The following RER1 variants were observed in gnomAD, a reference collection of about 807,000 sequenced individuals.
The protein encoded by RER1 is retention in endoplasmic reticulum sorting receptor 1, also known as protein RER1.
Under a neutral mutation model 28.3 loss-of-function variants are expected in RER1, and 6 were observed. That is an observed-to-expected ratio of 0.21 (90% CI 0.12 to 0.42). RER1 has a LOEUF of 0.42. Ranked by LOEUF, RER1 falls within the 10% of genes least tolerant of loss-of-function variation. The pLI, the probability that RER1 is intolerant of heterozygous loss-of-function variation, is 1.00. For synonymous variants in RER1, 110 were observed against 95.9 expected (o/e 1.15, Z -0.86); for missense variants, 159 against 252.9 (o/e 0.63, Z 2.52).
At chr1:2,396,191 C>A (rs557188258) in intron 2 of RER1, 15 of 327,774 alleles carry the variant, frequency 4.6e-5, no homozygotes, top group African/African-American at 3.0e-4. Context: ...TCTTGCTGTC[C>A]CTCTCCCAGC....
Position 2,403,775 on chromosome 1 carries a change from T to C in RER1, c.*651T>C, listed in dbSNP as rs1206200683. ...AATTGTTTGAGATTATTTTGACACA[T>C]TTCTTTGATACGTAGAGTGTTTTGT... On this transcript the variant is annotated 3_prime_UTR_variant, in exon 7 of 7. Coordinates refer to ENST00000605895, the MANE Select transcript of RER1 (RefSeq NM_007033.5). 1 of 152,612 alleles carries C rather than the reference T, an allele frequency of 6.6e-6. No homozygotes were observed. The highest frequency in any genetic ancestry group is 1.5e-5 in the Non-Finnish European group (1 of 68,046). 9.5% of individuals were successfully genotyped at this position (152,612 alleles called of 1,614,324 possible).
chr1:2,393,227 A>T (rs1398803395), intron 1 of RER1: 1 of 152,042 alleles, frequency 6.6e-6, no homozygotes, highest in African/African-American at 2.4e-5. Flanking sequence ...AGTCACCTTC[A>T]ACAGGTAATT....
chr1:2,402,714 G>A (rs967954466), intron 6 of RER1, among the ~76,000 whole-genome samples: 1 of 152,218 alleles, frequency 6.6e-6, no homozygotes, highest in East Asian at 1.9e-4. Flanking sequence ...TGCCCTTGAC[G>A]GTGTGGCCTT....
chr1:2,401,826 C>T (rs766065596), intron 5 of RER1: 7 of 550,732 alleles, frequency 1.3e-5, no homozygotes, highest in African/African-American at 3.8e-5. Context: ...GGAGGGAGCA[C>T]TGGTGGCCAT....
chr1:2,401,957 T>G (rs1642868892), intron 5 of RER1: 2 of 1,413,690 alleles, frequency 1.4e-6, no homozygotes, highest in Admixed American at 2.5e-5. Context: ...GCTTTATACT[T>G]TGTGTAGTTT....
chr1:2,392,377 T>C (rs1269908517), intron 1 of RER1, among the ~76,000 whole-genome samples: 1 of 152,220 alleles, frequency 6.6e-6, no homozygotes, highest in Admixed American at 6.5e-5. Context: ...TGCGTCCAGG[T>C]CAGCGCTTAT....
intron 5 of RER1, 114 bp downstream of exon 5, chr1:2,401,049 G>A: frequency 1.1e-6 from 1 of 893,234 alleles, no homozygotes; most frequent in South Asian, 1.4e-5. Context: ...GCTGGGCTGG[G>A]CACGGGGAAT....
chr1:2,399,591 T>G, intron 4 of RER1, 77 bp downstream of exon 4: 5 of 872,726 alleles, frequency 5.7e-6, no homozygotes, highest in Admixed American at 3.6e-5. Context: ...CAGTGTTCTC[T>G]GGAAACACCC....
In RER1 at chr1:2,402,651, A is replaced by G. The variant is rs551282109; in HGVS notation, c.501+309A>G. Among the ~76,000 whole-genome samples the G allele has an allele frequency of 6.6e-4, 101 of 152,320 alleles. 1 individual carries two copies. The highest frequency in any genetic ancestry group is 6.8e-3 in the Middle Eastern group (2 of 294). On this transcript the variant is annotated intron_variant, in intron 6 of 6. Transcript: ENST00000605895. ...CTTAGGGTGCCCAGTGCCCCGCGCC[A>G]GCCTGCCCGAGGAGGAGGGTGTTAG...
Position 2,403,448 on chromosome 1 carries a change from A to G in RER1, c.*324A>G, listed in dbSNP as rs1290242144. On this transcript the variant is annotated 3_prime_UTR_variant, in exon 7 of 7. Coordinates refer to ENST00000605895, the MANE Select transcript of RER1 (RefSeq NM_007033.5). ...CCGCTGTGCCAGGTGGGCAGGCAGG[A>G]GCAAGGCCTGCGAGGGAGGAACGGG... is the stretch of plus-strand genomic sequence containing the variant. 1 of 338,436 alleles carries G rather than the reference A, an allele frequency of 3.0e-6. No individual in the cohort carries two copies. The allele number at this position is 338,436 out of a possible 1,614,324, so 21.0% of individuals were successfully genotyped here. A position where few individuals can be genotyped will look rare whatever the true frequency, so the allele number is the denominator to read the frequency against.
chr1:2,400,874 C>G lies in RER1; in HGVS notation c.304C>G (p.Pro102Ala), dbSNP rs1557903398. The G allele has an allele frequency of 6.2e-7, 1 of 1,614,050 alleles. No homozygotes were observed. Among genetic ancestry groups the G allele is most frequent in the Non-Finnish European group, 8.5e-7 (1 of 1,179,938 alleles). The change falls in exon 5 of 7, where the codon CCC becomes GCC. Residue 102 changes from proline (P) to alanine (A), a missense_variant. Pro to Ala is a conservative substitution (Grantham distance 27). Transcript: ENST00000605895. ...CCTTACAGATGACGGTCCTTCGCTA[C>G]CCACCAAACAGAACGAGGAATTCCG... The part of the protein sequence containing the change: ...MEDSDDGPSL[P>A]TKQNEEFRPF...
In RER1 at chr1:2,403,288, C is replaced by G; in HGVS notation, c.*164C>G. 3.4e-6 allele frequency: 2 copies of G among 596,740 alleles called. No individual in the cohort carries two copies. The highest frequency in any genetic ancestry group is 6.0e-6 in the Non-Finnish European group (2 of 331,182). The allele number at this position is 596,740 out of a possible 1,614,324, so 37.0% of individuals were successfully genotyped here. A position where few individuals can be genotyped will look rare whatever the true frequency, so the allele number is the denominator to read the frequency against. On this transcript the variant is annotated 3_prime_UTR_variant, in exon 7 of 7. Coordinates refer to ENST00000605895, the MANE Select transcript of RER1 (RefSeq NM_007033.5). ...CTGAAATATCAGGTTCTAGAAGAAACTGGCGCTTAAACCAAATCGCATGGA... is the reference window on the plus strand; with the variant it reads ...CTGAAATATCAGGTTCTAGAAGAAAGTGGCGCTTAAACCAAATCGCATGGA...
rs1315038598 is a variant in RER1, at chr1:2,403,433, A to T, written c.*309A>T. 3 of 350,158 alleles carry T rather than the reference A, an allele frequency of 8.6e-6. No homozygotes were observed. Among genetic ancestry groups the T allele is most frequent in the African/African-American group, 6.5e-5 (3 of 46,378 alleles). 21.7% of individuals were successfully genotyped at this position (350,158 alleles called of 1,614,324 possible). ...GCGAGTGGCCGGTCCCCGCTGTGCCAGGTGGGCAGGCAGGAGCAAGGCCTG... is the reference window on the plus strand; with the variant it reads ...GCGAGTGGCCGGTCCCCGCTGTGCCTGGTGGGCAGGCAGGAGCAAGGCCTG... On this transcript the variant is annotated 3_prime_UTR_variant, in exon 7 of 7. Transcript: ENST00000605895.
In RER1 at chr1:2,395,780, C is replaced by G. The variant is rs1221426246; in HGVS notation, c.-7-4C>G. On this transcript the variant is annotated splice_polypyrimidine_tract_variant and splice_region_variant and intron_variant, in intron 1 of 6. Coordinates refer to ENST00000605895, the MANE Select transcript of RER1 (RefSeq NM_007033.5). ...CTGAAAAGTATTTTGTGTTTTTCTCCCAGTTACAGAATGTCTGAAGGGGAC... is the reference window on the plus strand; with the variant it reads ...CTGAAAAGTATTTTGTGTTTTTCTCGCAGTTACAGAATGTCTGAAGGGGAC... The G allele has an allele frequency of 5.0e-6, 8 of 1,605,942 alleles. No individual in the cohort carries two copies. Among genetic ancestry groups the G allele is most frequent in the Non-Finnish European group, 6.8e-6 (8 of 1,172,686 alleles).
Position 2,403,641 on chromosome 1 carries a change from C to G in RER1, c.*517C>G, listed in dbSNP as rs1642908842. 6.4e-6 allele frequency: 1 copy of G among 155,438 alleles called. No homozygotes were observed. Among genetic ancestry groups the G allele is most frequent in the South Asian group, 1.9e-4 (1 of 5,232 alleles). The allele number at this position is 155,438 out of a possible 1,614,324, so 9.6% of individuals were successfully genotyped here. On this transcript the variant is annotated 3_prime_UTR_variant, in exon 7 of 7. Coordinates refer to ENST00000605895, the MANE Select transcript of RER1 (RefSeq NM_007033.5). ...TCTAATGCCAGTTTCCTAATTCCAT[C>G]TCACTGGAGATGTTTAAAGTTGGCC...
intron 6 of RER1, 46 bp from the exon 7 acceptor site, chr1:2,402,989 C>A: frequency 6.6e-7 from 1 of 1,507,946 alleles, no homozygotes; most frequent in Non-Finnish European, 9.2e-7. Context: ...GTGTGACTGA[C>A]TGGAGAGCGG....
intron 1 of RER1, chr1:2,395,576 C>G (rs1642757333): frequency 1.8e-6 from 1 of 560,322 alleles, no homozygotes; most frequent in African/African-American, 1.9e-5. Flanking sequence ...TGCTCCTGGG[C>G]CCATGCGTCT....
chr1:2,392,311 C>T (rs893626211), intron 1 of RER1, among the ~76,000 whole-genome samples: 24 of 152,274 alleles, frequency 1.6e-4, no homozygotes, highest in African/African-American at 5.8e-4. Context: ...CAGTCGCGGC[C>T]CCCACAGCGC....
chr1:2,397,983 T>A lies in RER1; in HGVS notation c.186+763T>A, dbSNP rs116640708. On this transcript the variant is annotated intron_variant, in intron 3 of 6. Transcript: ENST00000605895. ...CTTGTTTAAAGCACACACCTTAATT[T>A]ATTTATTTATTTTTGTTTTTAAATT... 2.6e-3 allele frequency among the ~76,000 whole-genome samples: 395 copies of A among 152,338 alleles called. 3 individuals carry two copies. Among genetic ancestry groups the A allele is most frequent in the African/African-American group, 9.4e-3 (389 of 41,574 alleles).
Sources: gnomAD v4.1 joint callset for allele counts (sites outside exome capture counted in the v4.1 genomes callset) on GRCh38, gnomAD v4.1.1 for gene constraint, MANE v1.5 for transcripts, NCBI Gene and HGNC (gene_info 2026-07-23, HGNC 2026-07-21) for gene names.